The following DLG2 variants were observed in gnomAD, a reference collection of about 807,000 sequenced individuals.
The protein encoded by DLG2 is discs large MAGUK scaffold protein 2.
A neutral mutation model predicts 132.5 loss-of-function variants in DLG2; 45 were observed. That is an observed-to-expected ratio of 0.34 (90% CI 0.27 to 0.44). The LOEUF (loss-of-function observed/expected upper bound fraction) is 0.44, where lower values mean the gene tolerates loss of function less well. Among genes scored for constraint, DLG2 ranks in the 20% least tolerant of loss-of-function variants. The pLI is 1.00. For synonymous variants in DLG2, 424 were observed against 419.6 expected, an observed-to-expected ratio of 1.01 and a Z score of -0.13; for missense variants, 1,045 against 1,196.9, an observed-to-expected ratio of 0.87 and a Z score of 1.87.
At chr11:84,985,476 G>A (rs537959337) in intron 6 of DLG2, among the ~76,000 whole-genome samples, 2 of 152,084 alleles carry the variant, frequency 1.3e-5, no homozygotes, top group African/African-American at 2.4e-5. Flanking sequence ...TACAGCAAAG[G>A]TGGTGCTAAG....
chr11:85,298,457 T>C (rs1157097720), intron 3 of DLG2, among the ~76,000 whole-genome samples: 1 of 152,086 alleles, frequency 6.6e-6, no homozygotes, highest in Non-Finnish European at 1.5e-5. Flanking sequence ...CCTGATAGGA[T>C]GCAATGAAAA....
chr11:83,476,770 A>G (rs1242848529), intron 22 of DLG2, among the ~76,000 whole-genome samples: 4 of 152,152 alleles, frequency 2.6e-5, no homozygotes, highest in African/African-American at 9.6e-5. Context: ...CACTACTTTA[A>G]TAAGGCAGGC....
chr11:83,940,495 G>T (rs1388371630), intron 14 of DLG2, among the ~76,000 whole-genome samples: 2 of 152,130 alleles, frequency 1.3e-5, no homozygotes, highest in Non-Finnish European at 2.9e-5. Flanking sequence ...ATCTGCAAAG[G>T]TTGGCATTAA....
chr11:83,490,649 G>T (rs2093787471), intron 21 of DLG2, among the ~76,000 whole-genome samples: 1 of 151,950 alleles, frequency 6.6e-6, no homozygotes, highest in Non-Finnish European at 1.5e-5. Context: ...TTAATCAAGT[G>T]ATCAAAATTA....
chr11:84,323,932 G>A (rs2098418215), intron 7 of DLG2, among the ~76,000 whole-genome samples: 2 of 151,700 alleles, frequency 1.3e-5, no homozygotes, highest in African/African-American at 2.4e-5. Flanking sequence ...TTGAGTTGTA[G>A]GAGTACCTTA....
chr11:84,028,191 A>C (rs1378573440), intron 11 of DLG2, among the ~76,000 whole-genome samples: 2 of 152,134 alleles, frequency 1.3e-5, no homozygotes, highest in Non-Finnish European at 1.5e-5. Flanking sequence ...CTATGATAAT[A>C]ATGTACAGAG....
chr11:85,324,656 A>G (rs2081314939), intron 3 of DLG2, among the ~76,000 whole-genome samples: 2 of 152,218 alleles, frequency 1.3e-5, no homozygotes, highest in South Asian at 2.1e-4. Flanking sequence ...AAGCTACACA[A>G]GAGGTTTTGA....
At chr11:85,513,982 A>T (rs1485050345) in intron 3 of DLG2, among the ~76,000 whole-genome samples, 1 of 151,844 alleles carries the variant, frequency 6.6e-6, no homozygotes, top group Non-Finnish European at 1.5e-5. Flanking sequence ...TTTCTTTTGA[A>T]CAATTTAGTT....
chr11:85,351,837 C>A (rs888087436), intron 3 of DLG2, among the ~76,000 whole-genome samples: 1 of 152,082 alleles, frequency 6.6e-6, no homozygotes, highest in Admixed American at 6.6e-5. Flanking sequence ...ATGTTCATAT[C>A]GATATTCATC....
At chr11:84,570,865 T>C (rs1362615609) in intron 6 of DLG2, among the ~76,000 whole-genome samples, 1 of 152,218 alleles carries the variant, frequency 6.6e-6, no homozygotes, top group African/African-American at 2.4e-5. Flanking sequence ...CTGCATTTTA[T>C]TCTATTCATT....
chr11:83,763,173 A>AT (rs2093986953), intron 18 of DLG2, among the ~76,000 whole-genome samples: 1 of 152,120 alleles, frequency 6.6e-6, no homozygotes, highest in South Asian at 2.1e-4. Flanking sequence ...GAAATTAAGA[A>AT]TTTTTTTAAC....
intron 22 of DLG2, among the ~76,000 whole-genome samples, chr11:83,478,859 C>T (rs2137078347): frequency 6.6e-6 from 1 of 151,998 alleles, no homozygotes; most frequent in East Asian, 1.9e-4. Flanking sequence ...AAATTGAGGG[C>T]AGCTTAGGTG....
intron 6 of DLG2, among the ~76,000 whole-genome samples, chr11:84,807,565 T>C (rs1474923778): frequency 6.6e-6 from 1 of 152,148 alleles, no homozygotes; most frequent in African/African-American, 2.4e-5. Flanking sequence ...TCACGGATTA[T>C]CAGAATGGGT....
intron 6 of DLG2, among the ~76,000 whole-genome samples, chr11:84,743,695 G>C (rs1310695825): frequency 2.0e-5 from 3 of 152,084 alleles, no homozygotes; most frequent in Non-Finnish European, 4.4e-5. Context: ...GTTTCAAGTA[G>C]AGAATGACAT....
rs145933635 is a variant in DLG2, at chr11:84,502,526, G to A, written c.519+32044C>T. 4.1e-3 allele frequency among the ~76,000 whole-genome samples: 625 copies of A among 150,632 alleles called. 2 individuals are homozygous for A. Among genetic ancestry groups the A allele is most frequent in the Non-Finnish European group, 6.3e-3 (427 of 67,850 alleles). ...TTCTCGTTATTCAGCTTCCCAAGTA[G>A]CTGGGACTACAGGGTCCCGCCACCA... is the stretch of plus-strand genomic sequence containing the variant. On this transcript the variant is annotated intron_variant, in intron 7 of 27. Transcript: ENST00000376104.
At chr11:83,779,248 G>T (rs977819648) in intron 18 of DLG2, among the ~76,000 whole-genome samples, 2 of 151,970 alleles carry the variant, frequency 1.3e-5, no homozygotes, top group Non-Finnish European at 1.5e-5. Flanking sequence ...GGGTGTGCAC[G>T]AAGAAGGTAG....
intron 3 of DLG2, among the ~76,000 whole-genome samples, chr11:85,550,376 G>C (rs191035594): frequency 6.6e-6 from 1 of 152,212 alleles, no homozygotes; most frequent in Non-Finnish European, 1.5e-5. Context: ...ACGCTGCCAC[G>C]GGGCCTGCAT....
intron 6 of DLG2, among the ~76,000 whole-genome samples, chr11:84,780,009 G>A (rs747094385): frequency 7.2e-5 from 11 of 151,802 alleles, no homozygotes; most frequent in Non-Finnish European, 1.3e-4. Flanking sequence ...AATCAAAGAA[G>A]AGAAAATTCT....
At chr11:85,201,812 A>G (rs1455005305) in intron 4 of DLG2, among the ~76,000 whole-genome samples, 1 of 152,186 alleles carries the variant, frequency 6.6e-6, no homozygotes, top group African/African-American at 2.4e-5. Context: ...AGAATTCAAA[A>G]CAACTACTTC....
Sources: allele counts gnomAD v4.1 joint callset (sites outside exome capture counted in the v4.1 genomes callset), GRCh38; gene constraint gnomAD v4.1.1; transcripts MANE v1.5; gene names NCBI Gene and HGNC (gene_info 2026-07-23, HGNC 2026-07-21).